DR1: variants seen among roughly 807,000 people sequenced by gnomAD.
DR1 encodes protein Dr1.
DR1 carries 7 observed loss-of-function variants against 19.9 expected under a neutral mutation model. The observed-to-expected ratio is 0.35, with a 90% confidence interval of 0.20 to 0.66. DR1 has a LOEUF of 0.66. Ranked by LOEUF, DR1 falls within the 30% of genes least tolerant of loss-of-function variation. The pLI, the probability that DR1 is intolerant of heterozygous loss-of-function variation, is 0.66. For synonymous variants in DR1, 76 were observed against 72.5 expected, an observed-to-expected ratio of 1.05 and a Z score of -0.24; for missense variants, 98 against 203.7, an observed-to-expected ratio of 0.48 and a Z score of 3.16.
At position 93,361,382 on chromosome 1, in the gene DR1, C is replaced by CT. The variant is rs1378275928; in HGVS notation, c.*746dup. 1 of 152,512 alleles carries CT rather than the reference C, an allele frequency of 6.6e-6. No individual in the cohort carries two copies. Among genetic ancestry groups the CT allele is most frequent in the Non-Finnish European group, 1.5e-5 (1 of 67,974 alleles). The allele number at this position is 152,512 out of a possible 1,614,324, so 9.4% of individuals were successfully genotyped here. ...TTGGAAGTCTGTCATGATTTTTACT[C>CT]TTTCACTCCAATTCAGTAATTGTTG... is the stretch of plus-strand genomic sequence containing the variant. On this transcript the variant is annotated 3_prime_UTR_variant, in exon 3 of 3. Coordinates refer to ENST00000370272, the MANE Select transcript of DR1 (RefSeq NM_001938.3).
rs1397249935 is a variant in DR1 at position 93,363,233 on chromosome 1, A to T, written c.*2594A>T. 6.6e-6 allele frequency: 1 copy of T among 152,166 alleles called. No individual in the cohort carries two copies. The highest frequency in any genetic ancestry group is 6.5e-5 in the Admixed American group (1 of 15,270). The allele number at this position is 152,166 out of a possible 1,614,324, so 9.4% of individuals were successfully genotyped here. On this transcript the variant is annotated 3_prime_UTR_variant, in exon 3 of 3. Coordinates refer to ENST00000370272, the MANE Select transcript of DR1 (RefSeq NM_001938.3). ...TGAAAGTTACTATCCTGACTTCTAA[A>T]ATCATAGATTAGTTTTGCCTGTTTT...
chr1:93,358,134 A>T (rs1404001305), intron 2 of DR1, among the ~76,000 whole-genome samples: 1 of 152,172 alleles, frequency 6.6e-6, no homozygotes, highest in Non-Finnish European at 1.5e-5. Context: ...AAGAGGGAAG[A>T]AGGAAAGAGA....
At position 93,360,878 on chromosome 1, in the gene DR1, A is replaced by C; in HGVS notation, c.*239A>C. On this transcript the variant is annotated 3_prime_UTR_variant, in exon 3 of 3. Coordinates refer to ENST00000370272, the MANE Select transcript of DR1 (RefSeq NM_001938.3). ...CAATTTTGAATTTTTAATGGTGTTTATGAAATTTTAGATAGCAGCGAGTCC... is the reference window on the plus strand; with the variant it reads ...CAATTTTGAATTTTTAATGGTGTTTCTGAAATTTTAGATAGCAGCGAGTCC... 2.4e-6 allele frequency: 1 copy of C among 415,640 alleles called. No homozygotes were observed. The highest frequency in any genetic ancestry group is 6.1e-4 in the Middle Eastern group (1 of 1,644). The allele number at this position is 415,640 out of a possible 1,614,324, so 25.7% of individuals were successfully genotyped here.
In DR1 at chr1:93,365,705, C is replaced by T. The variant is rs1461641376; in HGVS notation, c.*5066C>T. On this transcript the variant is annotated 3_prime_UTR_variant, in exon 3 of 3. Coordinates refer to ENST00000370272, the MANE Select transcript of DR1 (RefSeq NM_001938.3). ...ATAGGTGATTTGGAAAGAGGAGGCCCAGGATTAAAATATGTTTCCAAGAAA... is the reference window on the plus strand; with the variant it reads ...ATAGGTGATTTGGAAAGAGGAGGCCTAGGATTAAAATATGTTTCCAAGAAA... The T allele has an allele frequency of 6.6e-6, 1 of 152,136 alleles. No individual in the cohort carries two copies. The highest frequency in any genetic ancestry group is 2.1e-4 in the South Asian group (1 of 4,826). The allele number at this position is 152,136 out of a possible 1,614,324, so 9.4% of individuals were successfully genotyped here.
chr1:93,346,447 A>G lies in DR1; in HGVS notation c.-199A>G, dbSNP rs1056963360. On this transcript the variant is annotated 5_prime_UTR_variant, in exon 1 of 3. Transcript: ENST00000370272. ...TCCTCGGGCCCCCACTTTCTTCCCA[A>G]ACTCATCCTAAATCTCTCACACACG... The G allele has an allele frequency of 5.1e-6, 3 of 589,234 alleles. No homozygotes were observed. The highest frequency in any genetic ancestry group is 4.0e-5 in the South Asian group (2 of 49,572). The allele number at this position is 589,234 out of a possible 1,614,324, so 36.5% of individuals were successfully genotyped here. A position where few individuals can be genotyped will look rare whatever the true frequency, so the allele number is the denominator to read the frequency against.
At chr1:93,356,969 A>T (rs1309751066) in intron 2 of DR1, among the ~76,000 whole-genome samples, 5 of 152,062 alleles carry the variant, frequency 3.3e-5, no homozygotes, top group Admixed American at 1.3e-4. Context: ...CGATCCGCCC[A>T]CCTTGGCCTC....
chr1:93,359,417 A>T (rs1667028278), intron 2 of DR1, among the ~76,000 whole-genome samples: 2 of 152,230 alleles, frequency 1.3e-5, no homozygotes, highest in Non-Finnish European at 2.9e-5. Context: ...ATTCTAGAAC[A>T]AAGTGGATGG....
intron 2 of DR1, among the ~76,000 whole-genome samples, chr1:93,358,446 T>A (rs1667018755): frequency 6.6e-6 from 1 of 152,168 alleles, no homozygotes; most frequent in African/African-American, 2.4e-5. Context: ...TGCATCAGTT[T>A]TCCTGTAGCA....
Position 93,361,899 on chromosome 1 carries a change from T to A in DR1, c.*1260T>A, listed in dbSNP as rs771457. The A allele has an allele frequency of 0.84, 127,564 of 152,416 alleles. 53,551 individuals carry two copies. Among genetic ancestry groups the A allele is most frequent in the East Asian group, 1 (5,176 of 5,178 alleles). The allele number at this position is 152,416 out of a possible 1,614,324, so 9.4% of individuals were successfully genotyped here. A position where few individuals can be genotyped will look rare whatever the true frequency, so the allele number is the denominator to read the frequency against. On this transcript the variant is annotated 3_prime_UTR_variant, in exon 3 of 3. Coordinates refer to ENST00000370272, the MANE Select transcript of DR1 (RefSeq NM_001938.3). The stretch of plus-strand genomic sequence containing the variant: ...TTCTAATAAATACAGTATGGTAGTG[T>A]TTATAGGAATCCAGGATGTTGAAGA...
At position 93,368,602 on chromosome 1, in the gene DR1, A is replaced by G. The variant is rs1044185980; in HGVS notation, c.*7963A>G. The G allele has an allele frequency of 3.3e-5, 5 of 152,244 alleles. No individual in the cohort carries two copies. Among genetic ancestry groups the G allele is most frequent in the African/African-American group, 1.2e-4 (5 of 41,458 alleles). The allele number at this position is 152,244 out of a possible 1,614,324, so 9.4% of individuals were successfully genotyped here. A position where few individuals can be genotyped will look rare whatever the true frequency, so the allele number is the denominator to read the frequency against. On this transcript the variant is annotated 3_prime_UTR_variant, in exon 3 of 3. Coordinates refer to ENST00000370272, the MANE Select transcript of DR1 (RefSeq NM_001938.3). ...TACGTTTGTTTCTTTTGTTGTGCCTATAAAAGATGCCATTAACTTCATATT... is the reference window on the plus strand; with the variant it reads ...TACGTTTGTTTCTTTTGTTGTGCCTGTAAAAGATGCCATTAACTTCATATT...
Position 93,367,726 on chromosome 1 carries a change from A to G in DR1, c.*7087A>G, listed in dbSNP as rs2101643935. The G allele has an allele frequency of 6.6e-6, 1 of 152,466 alleles. No homozygotes were observed. Among genetic ancestry groups the G allele is most frequent in the African/African-American group, 2.4e-5 (1 of 41,596 alleles). 9.4% of individuals were successfully genotyped at this position (152,466 alleles called of 1,614,324 possible). ...TGTTTTTCATCAATGTTATAATGAA[A>G]TTACAGGCCGGGTGTGGTGGCTTAC... is the stretch of plus-strand genomic sequence containing the variant. On this transcript the variant is annotated 3_prime_UTR_variant, in exon 3 of 3. Transcript: ENST00000370272.
chr1:93,360,164 T>C (rs1371411182), intron 2 of DR1, among the ~76,000 whole-genome samples: 1 of 152,050 alleles, frequency 6.6e-6, no homozygotes, highest in African/African-American at 2.4e-5. Context: ...AGAGGGAATA[T>C]TGTGGGTTTT....
Position 93,366,834 on chromosome 1 carries a change from C to A in DR1, c.*6195C>A, listed in dbSNP as rs951326288. Reference sequence around the variant, plus strand: ...CTGGGTAATATGGTGAAACCCGTCTCTACAGAAAAATTCAAAAATTAGCCA... The same window carrying A: ...CTGGGTAATATGGTGAAACCCGTCTATACAGAAAAATTCAAAAATTAGCCA... On this transcript the variant is annotated 3_prime_UTR_variant, in exon 3 of 3. Transcript: ENST00000370272. 6.6e-6 allele frequency: 1 copy of A among 152,048 alleles called. No individual in the cohort carries two copies. The highest frequency in any genetic ancestry group is 1.5e-5 in the Non-Finnish European group (1 of 68,014). The allele number at this position is 152,048 out of a possible 1,614,324, so 9.4% of individuals were successfully genotyped here.
chr1:93,363,636 A>G lies in DR1; in HGVS notation c.*2997A>G, dbSNP rs1010799011. On this transcript the variant is annotated 3_prime_UTR_variant, in exon 3 of 3. Coordinates refer to ENST00000370272, the MANE Select transcript of DR1 (RefSeq NM_001938.3). ...TTCCCTGCCTCTAAGTTTAGGGCTCACCTGCATAAAGCAGGGATAATCCCC... is the reference window on the plus strand; with the variant it reads ...TTCCCTGCCTCTAAGTTTAGGGCTCGCCTGCATAAAGCAGGGATAATCCCC... The G allele has an allele frequency of 6.6e-6, 1 of 152,140 alleles. No homozygotes were observed. Among genetic ancestry groups the G allele is most frequent in the Admixed American group, 6.5e-5 (1 of 15,286 alleles). 9.4% of individuals were successfully genotyped at this position (152,140 alleles called of 1,614,324 possible).
intron 2 of DR1, among the ~76,000 whole-genome samples, chr1:93,354,398 A>G (rs1229078991): frequency 1.3e-5 from 2 of 152,194 alleles, no homozygotes; most frequent in African/African-American, 2.4e-5. Context: ...TACTATATCA[A>G]ATTTTATGAT....
rs1667098890 is a variant in DR1 at position 93,364,842 on chromosome 1, C to CTTTCTTT, written c.*4206_*4207insCTTTTTT. The CTTTCTTT allele has an allele frequency of 5.0e-5, 4 of 79,760 alleles. No individual in the cohort carries two copies. The highest frequency in any genetic ancestry group is 1.7e-4 in the African/African-American group (4 of 23,748). The allele number at this position is 79,760 out of a possible 1,614,324, so 4.9% of individuals were successfully genotyped here. On this transcript the variant is annotated 3_prime_UTR_variant, in exon 3 of 3. Coordinates refer to ENST00000370272, the MANE Select transcript of DR1 (RefSeq NM_001938.3). ...ATGTTTCCTTTTTCTTTTTTCTTTT[C>CTTTCTTT]TTTTCTTTCTTTTTTTTTTTTTTTT...
Position 93,360,558 on chromosome 1 carries a change from A to G in DR1, c.450A>G (p.Gln150=). The change falls in exon 3 of 3, where the codon CAA becomes CAG. Residue 150 remains glutamine, a synonymous_variant. Coordinates refer to ENST00000370272, the MANE Select transcript of DR1 (RefSeq NM_001938.3). The part of the protein sequence containing the change: ...EWLQMQQAAQ[Q]AQLAAASASA... ...TTCAAATGCAGCAAGCTGCCCAACA[A>G]GCCCAGCTTGCTGCTGCCTCAGCCA... 1 of 1,600,966 alleles carries G rather than the reference A, an allele frequency of 6.2e-7. No individual in the cohort carries two copies.
rs1282347159 is a variant in DR1, at chr1:93,362,397, A to G, written c.*1758A>G. The G allele has an allele frequency of 6.7e-6, 1 of 149,890 alleles. No homozygotes were observed. Among genetic ancestry groups the G allele is most frequent in the Non-Finnish European group, 1.5e-5 (1 of 67,432 alleles). The allele number at this position is 149,890 out of a possible 1,614,324, so 9.3% of individuals were successfully genotyped here. A position where few individuals can be genotyped will look rare whatever the true frequency, so the allele number is the denominator to read the frequency against. On this transcript the variant is annotated 3_prime_UTR_variant, in exon 3 of 3. Coordinates refer to ENST00000370272, the MANE Select transcript of DR1 (RefSeq NM_001938.3). ...CATCCTTATACTTTCTATTTTAAGT[A>G]TATCTGTTTCTTAAGTAAACAACTT...
intron 1 of DR1, among the ~76,000 whole-genome samples, chr1:93,349,244 T>C (rs907245627): frequency 6.6e-6 from 1 of 152,112 alleles, no homozygotes; most frequent in Non-Finnish European, 1.5e-5. Flanking sequence ...CCAGTATATC[T>C]ATGAAATAAC....
Sources: allele counts gnomAD v4.1 joint callset (sites outside exome capture counted in the v4.1 genomes callset), GRCh38; gene constraint gnomAD v4.1.1; transcripts MANE v1.5; gene names NCBI Gene and HGNC (gene_info 2026-07-23, HGNC 2026-07-21).